The following CFAP47 variants were observed in gnomAD, a reference collection of about 807,000 sequenced individuals.
The protein encoded by CFAP47 is cilia- and flagella-associated protein 47.
CFAP47 carries 29 observed loss-of-function variants against 148.1 expected under a neutral mutation model. That is an observed-to-expected ratio of 0.20 (90% CI 0.15 to 0.27). CFAP47 has a LOEUF of 0.27. Ranked by LOEUF, CFAP47 falls within the 10% of genes least tolerant of loss-of-function variation. The pLI, the probability that CFAP47 is intolerant of heterozygous loss-of-function variation, is 1.00. For synonymous variants in CFAP47, 664 were observed against 577.3 expected, an observed-to-expected ratio of 1.15 and a Z score of -2.15; for missense variants, 1,872 against 1,697.5, an observed-to-expected ratio of 1.10 and a Z score of -1.81.
chrX:36,024,784 T>G (rs1937197392), intron 22 of CFAP47, among the ~76,000 whole-genome samples: 1 of 111,675 alleles, frequency 9.0e-6, no homozygotes, highest in Non-Finnish European at 1.9e-5. Context: ...GATTCATGAC[T>G]GTTTTACCTA....
At chrX:36,199,848 G>C (rs1404714620) in intron 42 of CFAP47, among the ~76,000 whole-genome samples, 5 of 111,299 alleles carry the variant, frequency 4.5e-5, no homozygotes, top group African/African-American at 1.3e-4. Context: ...CTCTGGGACG[G>C]ATAATTAAAG....
chrX:36,167,964 A>T (rs1015937257), intron 39 of CFAP47, among the ~76,000 whole-genome samples: 8 of 111,346 alleles, frequency 7.2e-5, no homozygotes, highest in African/African-American at 2.6e-4. Flanking sequence ...AGGATCTCTC[A>T]TGGTGTCAGG....
At chrX:36,145,124 T>C (rs985132510) in intron 35 of CFAP47, 95 bp from the exon 36 acceptor site, 12 of 319,765 alleles carry the variant, frequency 3.8e-5, no homozygotes, top group Non-Finnish European at 6.5e-5. Flanking sequence ...TGTGTGTATG[T>C]GCATATATAC....
intron 57 of CFAP47, among the ~76,000 whole-genome samples, chrX:36,329,387 C>G (rs1324861420): frequency 9.0e-6 from 1 of 111,426 alleles, no homozygotes; most frequent in Non-Finnish European, 1.9e-5. Flanking sequence ...GTGACAAAGT[C>G]ATGAAAAGAC....
intron 45 of CFAP47, among the ~76,000 whole-genome samples, chrX:36,215,314 C>T (rs1940147473): frequency 9.0e-6 from 1 of 111,404 alleles, no homozygotes; most frequent in East Asian, 2.8e-4. Context: ...TCCTTGTCTC[C>T]TGTTCCTGTT....
At chrX:35,993,073 T>C in intron 17 of CFAP47, 117 bp from the exon 18 acceptor site, 2 of 265,616 alleles carry the variant, frequency 7.5e-6, no homozygotes, top group Admixed American at 1.3e-4. Context: ...AAAATCATTT[T>C]ATGTCCTGTG....
intron 33 of CFAP47, among the ~76,000 whole-genome samples, chrX:36,105,248 C>T (rs939081144): frequency 1.8e-5 from 2 of 111,003 alleles, no homozygotes; most frequent in Admixed American, 9.6e-5. Flanking sequence ...TTTTTTTAAC[C>T]GAGTCATAAG....
chrX:36,295,478 A>C (rs943105277), intron 51 of CFAP47, among the ~76,000 whole-genome samples: 14 of 112,099 alleles, frequency 1.2e-4, no homozygotes, highest in African/African-American at 4.2e-4. Context: ...TTTTAAATAT[A>C]ATCTTAATGT....
chrX:35,981,196 T>G, intron 15 of CFAP47, among the ~76,000 whole-genome samples: 1 of 109,030 alleles, frequency 9.2e-6, no homozygotes, highest in East Asian at 2.9e-4. Flanking sequence ...TGGAAAATAC[T>G]TACTTAGTAC....
At chrX:35,982,466 A>G (rs1050298363) in intron 15 of CFAP47, among the ~76,000 whole-genome samples, 8 of 111,550 alleles carry the variant, frequency 7.2e-5, no homozygotes, top group African/African-American at 2.6e-4. Context: ...TAGTTTAATT[A>G]GGTCTCATTT....
intron 21 of CFAP47, among the ~76,000 whole-genome samples, chrX:36,004,148 T>G (rs949255609): frequency 1.2e-4 from 13 of 108,027 alleles, no homozygotes; most frequent in African/African-American, 4.4e-4. Flanking sequence ...AATTTTTGTA[T>G]ATTTTTTTAG....
At chrX:36,296,679 T>C (rs186521476) in intron 51 of CFAP47, among the ~76,000 whole-genome samples, 1 of 112,361 alleles carries the variant, frequency 8.9e-6, no homozygotes, top group East Asian at 2.8e-4. Flanking sequence ...GAACGGACAC[T>C]GATCTTCTCT....
chrX:36,135,735 G>C (rs931557551), intron 33 of CFAP47, among the ~76,000 whole-genome samples: 14 of 111,762 alleles, frequency 1.3e-4, no homozygotes, highest in African/African-American at 4.5e-4. Flanking sequence ...TGTGATGGCA[G>C]GTACGTGAAA....
intron 29 of CFAP47, among the ~76,000 whole-genome samples, chrX:36,078,535 T>TG (rs1937910933): frequency 9.1e-6 from 1 of 110,185 alleles, no homozygotes; most frequent in Admixed American, 9.7e-5. Context: ...CCCCTACTTT[T>TG]TTTTTGTTTT....
intron 62 of CFAP47, among the ~76,000 whole-genome samples, chrX:36,370,759 C>G (rs1000444635): frequency 9.0e-5 from 10 of 111,047 alleles, no homozygotes; most frequent in African/African-American, 3.3e-4. Flanking sequence ...GGAAAACAGG[C>G]AGACCTAATT....
intron 47 of CFAP47, among the ~76,000 whole-genome samples, chrX:36,236,371 G>A (rs1940466218): frequency 9.0e-6 from 1 of 111,634 alleles, no homozygotes; most frequent in African/African-American, 3.3e-5. Context: ...TAAAGAAATT[G>A]GTGTATCAGA....
At chrX:36,225,351 T>A (rs1555991346) in intron 45 of CFAP47, among the ~76,000 whole-genome samples, 1 of 112,070 alleles carries the variant, frequency 8.9e-6, no homozygotes, top group South Asian at 3.7e-4. Context: ...AAGACCAAGT[T>A]TGAATTTAGA....
intron 33 of CFAP47, among the ~76,000 whole-genome samples, chrX:36,120,752 T>A (rs1180756304): frequency 9.0e-6 from 1 of 111,319 alleles, no homozygotes; most frequent in Non-Finnish European, 1.9e-5. Flanking sequence ...TTTTTTTTTT[T>A]AAAGTTTGAA....
chrX:36,255,518 G>T (rs1004145404), intron 49 of CFAP47, among the ~76,000 whole-genome samples: 4 of 110,766 alleles, frequency 3.6e-5, no homozygotes, highest in Non-Finnish European at 5.7e-5. Flanking sequence ...TGGGCTACAT[G>T]TGGAAGGAGG....
Sources: allele counts gnomAD v4.1 joint callset (sites outside exome capture counted in the v4.1 genomes callset), GRCh38; gene constraint gnomAD v4.1.1; transcripts MANE v1.5; gene names NCBI Gene and HGNC (gene_info 2026-07-23, HGNC 2026-07-21).